The following ESR2 variants were observed in gnomAD, a reference collection of about 807,000 sequenced individuals.
The protein encoded by ESR2 is estrogen receptor beta.
In ESR2, 36 loss-of-function variants were observed where a neutral mutation model predicts 49.6. The observed-to-expected ratio is 0.73, with a 90% CI of 0.56 to 0.96. ESR2 has a LOEUF of 0.96. Ranked by LOEUF, ESR2 falls within the 40% of genes least tolerant of loss-of-function variation. The pLI, the probability that ESR2 is intolerant of heterozygous loss-of-function variation, is 0.00. For missense variants in ESR2, 714 were observed against 693.0 expected, an observed-to-expected ratio of 1.03 and a Z score of -0.34; for synonymous variants, 320 against 266.1, an observed-to-expected ratio of 1.20 and a Z score of -1.97.
rs567614282 is a variant in ESR2, at chr14:64,260,331, G to C, written c.952+118C>G. ...ACTTAAAAGTTACAAATCCAGCTGAGGACCTGTTAAATATCTAGGCACAGC... is the reference window on the plus strand; with the variant it reads ...ACTTAAAAGTTACAAATCCAGCTGACGACCTGTTAAATATCTAGGCACAGC... On this transcript the variant is annotated intron_variant, in intron 5 of 8. Coordinates refer to ENST00000341099, the MANE Select transcript of ESR2 (RefSeq NM_001437.3). The C allele has an allele frequency of 4.0e-6, 4 of 1,003,954 alleles. No homozygotes were observed. The African/African-American group carries it at 6.3e-5, about 16-fold the overall frequency. The allele number at this position is 1,003,954 out of a possible 1,614,324, so 62.2% of individuals were successfully genotyped here.
chr14:64,229,298 A>C lies in ESR2; in HGVS notation c.*3839T>G, dbSNP rs779164868. Among the ~76,000 whole-genome samples, 17 of 152,150 alleles carry C rather than the reference A, an allele frequency of 1.1e-4. No homozygotes were observed. The highest frequency in any genetic ancestry group is 2.2e-4 in the Non-Finnish European group (15 of 68,026). Reference sequence around the variant, plus strand: ...TCACAAAGCAGATTCTCACAGAAGCAAGTCCTGGGGCAGGAGCAATACTGG... The same window carrying C: ...TCACAAAGCAGATTCTCACAGAAGCCAGTCCTGGGGCAGGAGCAATACTGG... On this transcript the variant is annotated 3_prime_UTR_variant, in exon 9 of 9. Coordinates refer to ENST00000341099, the MANE Select transcript of ESR2 (RefSeq NM_001437.3).
chr14:64,251,985 G>A (rs573362270), intron 6 of ESR2, among the ~76,000 whole-genome samples: 101 of 152,236 alleles, frequency 6.6e-4, no homozygotes, highest in Non-Finnish European at 1.2e-3. Context: ...ACTGAATTAT[G>A]AGTAAGAAAT....
chr14:64,273,025 AT>A (rs2140780845), intron 3 of ESR2, among the ~76,000 whole-genome samples: 1 of 152,064 alleles, frequency 6.6e-6, no homozygotes, highest in South Asian at 2.1e-4. Context: ...GTCCTCTTCA[AT>A]TTCTTTCACC....
chr14:64,229,755 T>C lies in ESR2; in HGVS notation c.*3382A>G, dbSNP rs1276400755. Among the ~76,000 whole-genome samples, 1 of 152,134 alleles carries C rather than the reference T, an allele frequency of 6.6e-6. No homozygotes were observed. The highest frequency in any genetic ancestry group is 6.5e-5 in the Admixed American group (1 of 15,270). On this transcript the variant is annotated 3_prime_UTR_variant, in exon 9 of 9. Coordinates refer to ENST00000341099, the MANE Select transcript of ESR2 (RefSeq NM_001437.3). The stretch of plus-strand genomic sequence containing the variant: ...GTTCCACAACCAGAAAATAAGGAAA[T>C]AGCAGTTATTATAATAAGGATTAAA...
chr14:64,245,509 C>CGA (rs2075834348), intron 7 of ESR2, among the ~76,000 whole-genome samples: 1 of 65,460 alleles, frequency 1.5e-5, no homozygotes, highest in Non-Finnish European at 2.6e-5. Flanking sequence ...AAGACTCTGT[C>CGA]AAAAAAAAAA....
In ESR2 at chr14:64,260,441, A is replaced by G; in HGVS notation, c.952+8T>C. 1 of 1,522,280 alleles carries G rather than the reference A, an allele frequency of 6.6e-7. No individual in the cohort carries two copies. The highest frequency in any genetic ancestry group is 8.8e-7 in the Non-Finnish European group (1 of 1,136,498). The allele number at this position is 1,522,280 out of a possible 1,614,324, so 94.3% of individuals were successfully genotyped here. On this transcript the variant is annotated splice_region_variant and intron_variant, in intron 5 of 8. Coordinates refer to ENST00000341099, the MANE Select transcript of ESR2 (RefSeq NM_001437.3). ...GTACATGGAAAACTGATAGCCAGAA[A>G]GCCCTACCGGGAATCTTCTTGGCCC...
chr14:64,248,325 C>A (rs981186532), intron 7 of ESR2, among the ~76,000 whole-genome samples: 1 of 151,844 alleles, frequency 6.6e-6, no homozygotes, highest in African/African-American at 2.4e-5. Flanking sequence ...GGCAACACAG[C>A]AAGATTCTGT....
intron 1 of ESR2, among the ~76,000 whole-genome samples, chr14:64,310,754 G>GC (rs1267277212): frequency 1.3e-5 from 2 of 152,126 alleles, no homozygotes; most frequent in African/African-American, 4.8e-5. Flanking sequence ...ACAGGCATGA[G>GC]CCACCGCGCC....
chr14:64,260,673 C>A lies in ESR2; in HGVS notation c.728G>T (p.Gly243Val). Reference protein sequence around the residue: ...RSADEQLHCAGKAKRSGGHAP... With the variant: ...RSADEQLHCAVKAKRSGGHAP... ...GTGGCCGCCACTTCTCTTGGCCTTG[C>A]CGGCACAGTGCAGCTGCTCGTCGGC... The change falls in exon 5 of 9, where the codon GGC becomes GTC. Residue 243 changes from glycine (G) to valine (V), a missense_variant. Physicochemically the swap from Gly to Val is moderately radical, Grantham distance 109 (BLOSUM62 -3). Coordinates refer to ENST00000341099, the MANE Select transcript of ESR2 (RefSeq NM_001437.3). The A allele has an allele frequency of 7.6e-6, 12 of 1,579,294 alleles. No individual in the cohort carries two copies. The highest frequency in any genetic ancestry group is 1.7e-4 in the Middle Eastern group (1 of 5,932).
At chr14:64,246,016 G>C (rs79935155) in intron 7 of ESR2, among the ~76,000 whole-genome samples, 1 of 152,204 alleles carries the variant, frequency 6.6e-6, no homozygotes, top group South Asian at 2.1e-4. Context: ...AGGTCAGAAA[G>C]GGTTGATCTT....
chr14:64,267,405 G>A (rs759994690), intron 4 of ESR2, among the ~76,000 whole-genome samples: 2 of 152,144 alleles, frequency 1.3e-5, no homozygotes, highest in Non-Finnish European at 2.9e-5. Context: ...ATGGGCACTG[G>A]CAGGATGTTC....
chr14:64,310,286 A>AAAAAAAAAAAATAATAATAATAAT (rs1555595498), intron 1 of ESR2, among the ~76,000 whole-genome samples: 2 of 142,468 alleles, frequency 1.4e-5, no homozygotes, highest in African/African-American at 5.3e-5. Flanking sequence ...TCGTCTCAAA[A>AAAAAAAAAAAATAATAATAATAAT]AATAATAATA....
chr14:64,256,889 C>T (rs985551448), intron 6 of ESR2, among the ~76,000 whole-genome samples: 6 of 152,082 alleles, frequency 3.9e-5, no homozygotes, highest in Non-Finnish European at 7.4e-5. Flanking sequence ...AGCAGGACAA[C>T]TTAAGATTAT....
intron 4 of ESR2, among the ~76,000 whole-genome samples, chr14:64,266,300 C>T (rs945385551): frequency 6.6e-6 from 1 of 152,150 alleles, no homozygotes; most frequent in Admixed American, 6.5e-5. Flanking sequence ...TTATTGTTCA[C>T]AAAACCAAGT....
Position 64,233,000 on chromosome 14 carries a change from A to G in ESR2, c.*137T>C, listed in dbSNP as rs2098728707. 2 of 1,413,670 alleles carry G rather than the reference A, an allele frequency of 1.4e-6. No individual in the cohort carries two copies. The highest frequency in any genetic ancestry group is 9.2e-7 in the Non-Finnish European group (1 of 1,082,308). The allele number at this position is 1,413,670 out of a possible 1,614,324, so 87.6% of individuals were successfully genotyped here. A position where few individuals can be genotyped will look rare whatever the true frequency, so the allele number is the denominator to read the frequency against. ...CCTGAGAGTTGGGAAGGTGGAGGGAAGGATGGTACATGACCAAGCCTGCCA... is the reference window on the plus strand; with the variant it reads ...CCTGAGAGTTGGGAAGGTGGAGGGAGGGATGGTACATGACCAAGCCTGCCA... On this transcript the variant is annotated 3_prime_UTR_variant, in exon 9 of 9. Coordinates refer to ENST00000341099, the MANE Select transcript of ESR2 (RefSeq NM_001437.3).
intron 2 of ESR2, among the ~76,000 whole-genome samples, chr14:64,282,397 G>C (rs1400784471): frequency 6.6e-6 from 1 of 152,110 alleles, no homozygotes; most frequent in Non-Finnish European, 1.5e-5. Context: ...AAAGACAATA[G>C]TCATGATAGC....
rs2098724775 is a variant in ESR2, at chr14:64,228,937, G to A, written c.*4200C>T. Among the ~76,000 whole-genome samples the A allele has an allele frequency of 6.6e-6, 1 of 152,214 alleles. No individual in the cohort carries two copies. Among genetic ancestry groups the A allele is most frequent in the Non-Finnish European group, 1.5e-5 (1 of 68,038 alleles). ...CAAGTTTGAGAGCTATAAAGAATAA[G>A]TGGCACGTGTTTTCACACTGTAGTA... is the stretch of plus-strand genomic sequence containing the variant. On this transcript the variant is annotated 3_prime_UTR_variant, in exon 9 of 9. Coordinates refer to ENST00000341099, the MANE Select transcript of ESR2 (RefSeq NM_001437.3).
At chr14:64,315,212 C>G (rs1033878969) in intron 1 of ESR2, among the ~76,000 whole-genome samples, 5 of 143,394 alleles carry the variant, frequency 3.5e-5, no homozygotes, top group African/African-American at 1.3e-4. Context: ...CCACTGCACT[C>G]CAGCTTGGGC....
chr14:64,293,969 C>G (rs1373127392), intron 1 of ESR2, 64 bp downstream of exon 1: 1 of 152,248 alleles, frequency 6.6e-6, no homozygotes, highest in Non-Finnish European at 1.5e-5. Context: ...CGACTGGTTT[C>G]TCACCGCAGG....
Sources: gnomAD v4.1 joint callset for allele counts (sites outside exome capture counted in the v4.1 genomes callset) on GRCh38, gnomAD v4.1.1 for gene constraint, MANE v1.5 for transcripts, NCBI Gene and HGNC (gene_info 2026-07-23, HGNC 2026-07-21) for gene names.